Variants in CUX1 observed in about 807,000 individuals in gnomAD.
CUX1 encodes the protein cut like homeobox 1, also known as protein CASP.
In CUX1, 31 loss-of-function variants were observed where a neutral mutation model predicts 158.8. The ratio of observed to expected loss-of-function variants is 0.20; its 90% CI spans 0.15 to 0.26. The LOEUF (loss-of-function observed/expected upper bound fraction) is 0.26. Among genes scored for constraint, CUX1 ranks in the 10% least tolerant of loss-of-function variants. The pLI, the probability that CUX1 is intolerant of heterozygous loss-of-function variation, is 1.00. For synonymous variants in CUX1, 879 were observed against 862.1 expected (o/e 1.02, Z -0.34); for missense variants, 1,589 against 2,014.6 (o/e 0.79, Z 4.04).
In CUX1 at chr7:102,249,908, G is replaced by A; in HGVS notation, c.*866G>A. ...TCACATCAGGAAACTCTGATTTTGT[G>A]GTAGCTGACATAGTGTTTTCTTGTA... On this transcript the variant is annotated 3_prime_UTR_variant, in exon 24 of 24. Transcript: ENST00000292535. 1.0e-6 allele frequency: 1 copy of A among 985,746 alleles called. No individual in the cohort carries two copies. Among genetic ancestry groups the A allele is most frequent in the Non-Finnish European group, 1.2e-6 (1 of 829,908 alleles). The allele number at this position is 985,746 out of a possible 1,614,324, so 61.1% of individuals were successfully genotyped here. A position where few individuals can be genotyped will look rare whatever the true frequency, so the allele number is the denominator to read the frequency against.
chr7:102,153,837 G>A lies in CUX1; in HGVS notation c.675-4723G>A, dbSNP rs145911051. On this transcript the variant is annotated intron_variant, in intron 8 of 23. Coordinates refer to ENST00000292535, the MANE Select transcript of CUX1 (RefSeq NM_181552.4). ...AAGACACACCCAGACCCCAACAGTGGGTGTGATATGAGGCAGGACAGCTGG... is the reference window on the plus strand; with the variant it reads ...AAGACACACCCAGACCCCAACAGTGAGTGTGATATGAGGCAGGACAGCTGG... 9.8e-3 allele frequency: 1,497 copies of A among 152,380 alleles called. 8 individuals are homozygous for A. Among genetic ancestry groups the A allele is most frequent in the Non-Finnish European group, 0.016 (1,069 of 68,116 alleles). 9.4% of individuals were successfully genotyped at this position (152,380 alleles called of 1,614,324 possible).
rs113793845 is a variant in CUX1 at position 101,872,019 on chromosome 7, C to T, written c.31-44096C>T. On this transcript the variant is annotated intron_variant, in intron 1 of 23. Transcript: ENST00000292535. ...GGCGACAGAGCGAGACTCCATCCCCCCAAAAAAAAAAAAAGAAAAGAAAGT... is the reference window on the plus strand; with the variant it reads ...GGCGACAGAGCGAGACTCCATCCCCTCAAAAAAAAAAAAAGAAAAGAAAGT... Among the ~76,000 whole-genome samples, 4 of 146,446 alleles carry T rather than the reference C, an allele frequency of 2.7e-5. No individual in the cohort carries two copies. In the South Asian group the frequency reaches 8.7e-4, roughly 32 times the overall value.
intron 1 of CUX1, among the ~76,000 whole-genome samples, chr7:101,865,103 T>C (rs148169911): frequency 6.6e-6 from 1 of 152,334 alleles, no homozygotes; most frequent in East Asian, 1.9e-4. Context: ...GGCTTTGCCT[T>C]AGCCTCGGCC....
chr7:102,256,050 A>G lies in CUX1; in HGVS notation c.*7008A>G. The stretch of plus-strand genomic sequence containing the variant: ...TTTGTTCATGAACCGAAGGGAAAAC[A>G]GGCCTCCCCGACTCCCTCCAGTCTC... On this transcript the variant is annotated 3_prime_UTR_variant, in exon 24 of 24. Transcript: ENST00000292535. 2 of 985,494 alleles carry G rather than the reference A, an allele frequency of 2.0e-6. No homozygotes were observed. The highest frequency in any genetic ancestry group is 2.4e-6 in the Non-Finnish European group (2 of 829,954). 61.0% of individuals were successfully genotyped at this position (985,494 alleles called of 1,614,324 possible). A position where few individuals can be genotyped will look rare whatever the true frequency, so the allele number is the denominator to read the frequency against.
At position 102,250,089 on chromosome 7, in the gene CUX1, CTA is replaced by C; in HGVS notation, c.*1048_*1049del. On this transcript the variant is annotated 3_prime_UTR_variant, in exon 24 of 24. Coordinates refer to ENST00000292535, the MANE Select transcript of CUX1 (RefSeq NM_181552.4). ...AAAAAAAAAAAGAAAAGATCCGAAT[CTA>C]GGTATTTTATAATCTGCTTTTTAAC... is the stretch of plus-strand genomic sequence containing the variant. 2.0e-6 allele frequency: 2 copies of C among 984,714 alleles called. No homozygotes were observed. The highest frequency in any genetic ancestry group is 2.4e-6 in the Non-Finnish European group (2 of 829,518). 61.0% of individuals were successfully genotyped at this position (984,714 alleles called of 1,614,324 possible). A position where few individuals can be genotyped will look rare whatever the true frequency, so the allele number is the denominator to read the frequency against.
chr7:101,919,542 AG>A (rs2129092575), intron 2 of CUX1, among the ~76,000 whole-genome samples: 2 of 152,288 alleles, frequency 1.3e-5, no homozygotes, highest in African/African-American at 4.8e-5. Flanking sequence ...CATACCTTCC[AG>A]GGCACAGCGT....
At chr7:101,848,295 C>G (rs964966181) in intron 1 of CUX1, among the ~76,000 whole-genome samples, 1 of 152,018 alleles carries the variant, frequency 6.6e-6, no homozygotes, top group Non-Finnish European at 1.5e-5. Context: ...AAACCCAGCT[C>G]AGTTGGCATA....
At chr7:101,975,673 C>T (rs532307755) in intron 2 of CUX1, among the ~76,000 whole-genome samples, 25 of 152,338 alleles carry the variant, frequency 1.6e-4, no homozygotes, top group African/African-American at 5.5e-4. Context: ...AAATTTTCCA[C>T]TGGTCAAAAA....
chr7:101,904,205 C>T (rs528009149), intron 1 of CUX1, among the ~76,000 whole-genome samples: 138 of 152,020 alleles, frequency 9.1e-4, no homozygotes, highest in Admixed American at 8.9e-3. Flanking sequence ...ATGGCTGAGG[C>T]GGGAGGATTG....
intron 20 of CUX1, among the ~76,000 whole-genome samples, chr7:102,225,969 T>A (rs1798311761): frequency 6.6e-6 from 1 of 152,278 alleles, no homozygotes; most frequent in Non-Finnish European, 1.5e-5. Context: ...CAGGGGCAGA[T>A]TCTGCCTTGC....
intron 2 of CUX1, among the ~76,000 whole-genome samples, chr7:101,982,464 T>C (rs1042664765): frequency 6.6e-6 from 1 of 152,132 alleles, no homozygotes; most frequent in East Asian, 1.9e-4. Flanking sequence ...TCTTGCTCTG[T>C]CGCCCAGGCT....
intron 2 of CUX1, among the ~76,000 whole-genome samples, chr7:102,005,097 C>T (rs927829370): frequency 2.0e-5 from 3 of 152,190 alleles, no homozygotes; most frequent in African/African-American, 7.2e-5. Flanking sequence ...TTGGGTCCCA[C>T]TCCTGCCCGT....
chr7:102,235,486 A>G (rs1420243616), intron 22 of CUX1, among the ~76,000 whole-genome samples: 2 of 152,096 alleles, frequency 1.3e-5, no homozygotes, highest in Non-Finnish European at 2.9e-5. Flanking sequence ...GGATCACTTG[A>G]GGTTCAGAGT....
intron 2 of CUX1, among the ~76,000 whole-genome samples, chr7:101,928,375 C>CT (rs527554881): frequency 0.01 from 1,406 of 134,750 alleles, 37 homozygotes; most frequent in East Asian, 0.053. Context: ...TTTCTTTTTT[C>CT]TTTTTTTTTT....
chr7:101,895,914 T>TTTG (rs1554408140), intron 1 of CUX1, among the ~76,000 whole-genome samples: 80 of 131,328 alleles, frequency 6.1e-4, no homozygotes, highest in East Asian at 4.4e-3. Context: ...TTTTGTTTTT[T>TTTG]TTTTTTTTTT....
At chr7:102,015,265 T>G (rs1818452875) in intron 2 of CUX1, among the ~76,000 whole-genome samples, 2 of 152,162 alleles carry the variant, frequency 1.3e-5, no homozygotes, top group Non-Finnish European at 2.9e-5. Flanking sequence ...TCTCACTCTG[T>G]CACCCAGGCT....
chr7:101,850,996 C>T (rs74628000), intron 1 of CUX1, among the ~76,000 whole-genome samples: 8,348 of 152,138 alleles, frequency 0.055, 802 homozygotes, highest in African/African-American at 0.19. Context: ...TAAGTCCCAG[C>T]TACATGGGTA....
chr7:102,002,826 C>T (rs1816848551), intron 2 of CUX1, among the ~76,000 whole-genome samples: 1 of 152,206 alleles, frequency 6.6e-6, no homozygotes, highest in East Asian at 1.9e-4. Flanking sequence ...TGACCTGCCC[C>T]TTGGGTGGAA....
chr7:102,117,454 C>T (rs570771839), intron 8 of CUX1, among the ~76,000 whole-genome samples: 33 of 146,716 alleles, frequency 2.2e-4, no homozygotes, highest in African/African-American at 8.2e-4. Context: ...AGGTGCAGTT[C>T]CTAGGCTCAT....
Sources: allele counts gnomAD v4.1 joint callset (sites outside exome capture counted in the v4.1 genomes callset), GRCh38; gene constraint gnomAD v4.1.1; transcripts MANE v1.5; gene names NCBI Gene and HGNC (gene_info 2026-07-23, HGNC 2026-07-21).